The following EXOSC4 variants were observed in gnomAD, a reference collection of about 807,000 sequenced individuals.
The protein encoded by EXOSC4 is exosome complex component RRP41.
In EXOSC4, 14 loss-of-function variants were observed where a neutral mutation model predicts 20.0. The observed-to-expected ratio is 0.70, with a 90% CI of 0.46 to 1.09. The LOEUF (loss-of-function observed/expected upper bound fraction) is 1.09. Among genes scored for constraint, EXOSC4 ranks in the 50% least tolerant of loss-of-function variants. The pLI is 0.00. For synonymous variants in EXOSC4, 148 were observed against 146.4 expected (o/e 1.01, Z -0.08); for missense variants, 337 against 334.0 (o/e 1.01, Z -0.07).
chr8:144,078,992 C>T lies in EXOSC4; in HGVS notation c.171+93C>T. The T allele has an allele frequency of 2.3e-6, 3 of 1,291,498 alleles. No individual in the cohort carries two copies. Among genetic ancestry groups the T allele is most frequent in the Non-Finnish European group, 3.0e-6 (3 of 1,003,778 alleles). 80.0% of individuals were successfully genotyped at this position (1,291,498 alleles called of 1,614,324 possible). A position where few individuals can be genotyped will look rare whatever the true frequency, so the allele number is the denominator to read the frequency against. The stretch of plus-strand genomic sequence containing the variant: ...GGCTCGGGGACTTGAGGGGCAACGG[C>T]CGGCGCGCCTCAGTCTACACAGCCG... On this transcript the variant is annotated intron_variant, in intron 1 of 2. Transcript: ENST00000316052. The surrounding 1 kb of genome is among the most constrained non-coding windows in gnomAD (Gnocchi z 4.7).
chr8:144,079,925 G>A lies in EXOSC4; in HGVS notation c.172-18G>A, dbSNP rs782370363. On this transcript the variant is annotated intron_variant, in intron 1 of 2. Transcript: ENST00000316052. ...GCTGGAAGGAGTGGGCCTGGCTCATGTGTCTGTCCTCTTCCAGATCCGGGG... is the reference window on the plus strand; with the variant it reads ...GCTGGAAGGAGTGGGCCTGGCTCATATGTCTGTCCTCTTCCAGATCCGGGG... The A allele has an allele frequency of 1.2e-6, 2 of 1,613,104 alleles. No homozygotes were observed. The highest frequency in any genetic ancestry group is 1.1e-5 in the South Asian group (1 of 91,046).
At chr8:144,065,980 T>C in the EXOSC4 span, among the ~76,000 whole-genome samples, 2 of 148,714 alleles carry the variant, frequency 1.3e-5, no homozygotes, top group Non-Finnish European at 1.5e-5. Context: ...CTGGCTAGTT[T>C]TTTTGTTTTT....
chr8:144,075,352 G>A (rs1444212087), upstream of EXOSC4, among the ~76,000 whole-genome samples: 7 of 151,800 alleles, frequency 4.6e-5, no homozygotes, highest in African/African-American at 7.3e-5. Flanking sequence ...TCAGCCTCCC[G>A]AGTAGCTGGG....
chr8:144,078,564 C>T (rs1835859838), upstream of EXOSC4: 2 of 677,436 alleles, frequency 3.0e-6, no homozygotes, highest in Non-Finnish European at 2.2e-6. The surrounding 1 kb of genome is among the most constrained non-coding windows in gnomAD (Gnocchi z 4.7). Flanking sequence ...CCGGAAACCG[C>T]AGATCCACGG....
chr8:144,066,062 G>C, the EXOSC4 span, among the ~76,000 whole-genome samples: 1 of 151,558 alleles, frequency 6.6e-6, no homozygotes, highest in African/African-American at 2.4e-5. Flanking sequence ...TGTCACCCAG[G>C]CTGGAGTGCA....
chr8:144,068,907 C>G, the EXOSC4 span, among the ~76,000 whole-genome samples: 33 of 152,354 alleles, frequency 2.2e-4, no homozygotes, highest in Admixed American at 2.0e-3. Flanking sequence ...CAGGCCACCA[C>G]GCCCACCCCC....
In EXOSC4 at chr8:144,080,338, G is replaced by A; in HGVS notation, c.475G>A (p.Ala159Thr). 6.2e-7 allele frequency: 1 copy of A among 1,613,558 alleles called. No individual in the cohort carries two copies. The highest frequency in any genetic ancestry group is 8.5e-7 in the Non-Finnish European group (1 of 1,180,046). Residue 159 changes from alanine (A) to threonine (T), a missense_variant, in exon 3 of 3, where the codon GCG (alanine) becomes ACG (threonine). Ala to Thr is a moderately conservative substitution (Grantham distance 58, BLOSUM62 0). Transcript: ENST00000316052. This position sits in a 1 kb window ranked among gnomAD's most constrained non-coding sequence, Gnocchi z 4.9. ...GATACCCATGAGAGACTTTGTGTGT[G>A]CGTGCTCAGCTGGCTTCGTGGACGG... ...AGIPMRDFVC[A>T]CSAGFVDGTA...
upstream of EXOSC4, chr8:144,078,607 G>A: frequency 3.5e-6 from 4 of 1,148,508 alleles, no homozygotes; most frequent in Non-Finnish European, 4.6e-6. The surrounding 1 kb of genome is among the most constrained non-coding windows in gnomAD (Gnocchi z 4.7). Context: ...TAGTTCCCCG[G>A]AACCGGAAGT....
the EXOSC4 span, among the ~76,000 whole-genome samples, chr8:144,065,336 C>A: frequency 1.5e-4 from 23 of 152,158 alleles, no homozygotes; most frequent in African/African-American, 5.6e-4. Context: ...GTGGAGCCAT[C>A]GCAGGGCCCC....
the EXOSC4 span, among the ~76,000 whole-genome samples, chr8:144,066,211 G>A: frequency 2.0e-5 from 3 of 150,848 alleles, no homozygotes; most frequent in Non-Finnish European, 4.4e-5. Context: ...AGTAGAGACA[G>A]GGTTTCACCG....
intron 1 of EXOSC4, chr8:144,079,591 C>G: frequency 2.5e-6 from 1 of 400,400 alleles, no homozygotes. Flanking sequence ...GAGGTGAGGA[C>G]TTAGGGTTTT....
upstream of EXOSC4, among the ~76,000 whole-genome samples, chr8:144,075,430 G>T (rs541092244): frequency 6.6e-6 from 1 of 152,172 alleles, no homozygotes; most frequent in Non-Finnish European, 1.5e-5. Flanking sequence ...GTTTCACCGT[G>T]TTGGCCAGGA....
the EXOSC4 span, among the ~76,000 whole-genome samples, chr8:144,066,043 G>A: frequency 1.3e-5 from 2 of 150,938 alleles, no homozygotes; most frequent in Admixed American, 1.3e-4. Context: ...TTTTGAGATG[G>A]AATCTTGCTG....
At chr8:144,079,537 G>A (rs1318594633) in intron 1 of EXOSC4, 1 of 362,878 alleles carries the variant, frequency 2.8e-6, no homozygotes, top group Non-Finnish European at 5.4e-6. Flanking sequence ...GACTGCTGGT[G>A]GGGAAAGAGG....
At chr8:144,076,820 T>G, upstream of EXOSC4, among the ~76,000 whole-genome samples, 1 of 152,116 alleles carries the variant, frequency 6.6e-6, no homozygotes, top group Non-Finnish European at 1.5e-5. Flanking sequence ...CCATGCGTGG[T>G]GGCGGGAGGC....
At position 144,078,990 on chromosome 8, in the gene EXOSC4, GGCCGGC is replaced by G; in HGVS notation, c.171+94_171+99del. 16 of 1,316,938 alleles carry G rather than the reference GGCCGGC, an allele frequency of 1.2e-5. No homozygotes were observed. The highest frequency in any genetic ancestry group is 7.3e-5 in the South Asian group (4 of 54,438). 81.6% of individuals were successfully genotyped at this position (1,316,938 alleles called of 1,614,324 possible). Reference sequence around the variant, plus strand: ...CTGGCTCGGGGACTTGAGGGGCAACGGCCGGCGCGCCTCAGTCTACACAGCCGATGC... The same window carrying G: ...CTGGCTCGGGGACTTGAGGGGCAACGGCGCCTCAGTCTACACAGCCGATGC... On this transcript the variant is annotated intron_variant, in intron 1 of 2. Coordinates refer to ENST00000316052, the MANE Select transcript of EXOSC4 (RefSeq NM_019037.3). This position sits in a 1 kb window ranked among gnomAD's most constrained non-coding sequence, Gnocchi z 4.7.
chr8:144,065,143 C>T, the EXOSC4 span, among the ~76,000 whole-genome samples: 4 of 152,142 alleles, frequency 2.6e-5, no homozygotes, highest in Non-Finnish European at 4.4e-5. Context: ...CCGCGCCCAG[C>T]CTCCAATCTG....
chr8:144,066,304 C>T, the EXOSC4 span, among the ~76,000 whole-genome samples: 1 of 151,724 alleles, frequency 6.6e-6, no homozygotes, highest in Non-Finnish European at 1.5e-5. Flanking sequence ...CAGGCGTGAG[C>T]CACTGCACCT....
upstream of EXOSC4, among the ~76,000 whole-genome samples, chr8:144,077,069 C>CAA (rs34195797): frequency 0.11 from 10,637 of 97,796 alleles, 465 homozygotes; most frequent in Middle Eastern, 0.15. Context: ...ACTCCATCTC[C>CAA]AAAAAAAAAA....
Sources: gnomAD v4.1 joint callset for allele counts (sites outside exome capture counted in the v4.1 genomes callset) on GRCh38, gnomAD v4.1.1 for gene constraint, Gnocchi (gnomAD v3.1) non-coding constraint, MANE v1.5 for transcripts, NCBI Gene and HGNC (gene_info 2026-07-23, HGNC 2026-07-21) for gene names.